EFCAB12: variants seen among roughly 807,000 people sequenced by gnomAD.
The protein encoded by EFCAB12 is EF-hand calcium binding domain 12, also known as EF-hand calcium-binding domain-containing protein 12.
EFCAB12 carries 43 observed loss-of-function variants against 53.6 expected under a neutral mutation model. The observed-to-expected ratio is 0.80, with a 90% confidence interval of 0.63 to 1.03. EFCAB12 has a LOEUF of 1.03. Ranked by LOEUF, EFCAB12 falls within the 50% of genes least tolerant of loss-of-function variation. EFCAB12 has a pLI of 0.00. For missense variants in EFCAB12, 646 were observed against 730.6 expected, an observed-to-expected ratio of 0.88 and a Z score of 1.34; for synonymous variants, 269 against 289.2, an observed-to-expected ratio of 0.93 and a Z score of 0.71.
chr3:129,404,475 AGAG>A (rs2071921399), intron 6 of EFCAB12, 72 bp from the exon 7 acceptor site: 2 of 1,392,232 alleles, frequency 1.4e-6, no homozygotes, highest in Admixed American at 2.5e-5. Context: ...CTCTGGGGTC[AGAG>A]GAGGTGTTTT....
chr3:129,409,260 G>T (rs990764934), intron 5 of EFCAB12, among the ~76,000 whole-genome samples: 7 of 152,186 alleles, frequency 4.6e-5, no homozygotes, highest in Admixed American at 3.9e-4. Flanking sequence ...GATCAGCCTG[G>T]GCAACATGGC....
intron 7 of EFCAB12, chr3:129,403,896 C>G (rs762740942): frequency 6.3e-5 from 11 of 173,294 alleles, no homozygotes; most frequent in Non-Finnish European, 1.1e-4. Context: ...CCCCTGTTCT[C>G]TGCAGGGCCC....
intron 6 of EFCAB12, among the ~76,000 whole-genome samples, chr3:129,406,525 A>G (rs913526489): frequency 1.3e-5 from 2 of 152,044 alleles, no homozygotes; most frequent in African/African-American, 4.8e-5. Context: ...GCGAGAGAGA[A>G]AGGGTCTTGC....
intron 3 of EFCAB12, 64 bp from the exon 4 acceptor site, chr3:129,415,465 A>C: frequency 6.3e-7 from 1 of 1,588,948 alleles, no homozygotes; most frequent in Non-Finnish European, 8.6e-7. Context: ...CTGATGGCCA[A>C]GGCCTTACCA....
rs534948692 is a variant in EFCAB12, at chr3:129,407,050, G to A, written c.1249+1595C>T. Reference sequence around the variant, plus strand: ...CTGGAGATAAAGTCTTGAAGGAGATGATCAAGCTAAAACGAGGTTGTCCAT... The same window carrying A: ...CTGGAGATAAAGTCTTGAAGGAGATAATCAAGCTAAAACGAGGTTGTCCAT... On this transcript the variant is annotated intron_variant, in intron 6 of 8. Coordinates refer to ENST00000505956, the MANE Select transcript of EFCAB12 (RefSeq NM_207307.3). Among the ~76,000 whole-genome samples, 164 of 152,284 alleles carry A rather than the reference G, an allele frequency of 1.1e-3. 1 individual carries two copies. The highest frequency in any genetic ancestry group is 1.9e-3 in the Non-Finnish European group (129 of 68,014).
At chr3:129,428,018 T>C (rs964287524) in intron 1 of EFCAB12, among the ~76,000 whole-genome samples, 33 of 152,232 alleles carry the variant, frequency 2.2e-4, no homozygotes, top group Admixed American at 1.7e-3. Flanking sequence ...CTTTTACTCC[T>C]GGGTGTCATC....
chr3:129,418,188 G>T (rs2072142397), intron 3 of EFCAB12, 66 bp downstream of exon 3: 3 of 1,431,680 alleles, frequency 2.1e-6, no homozygotes, highest in Non-Finnish European at 2.8e-6. Flanking sequence ...GGCGGGGGTG[G>T]CAAAGAGGGA....
In EFCAB12 at chr3:129,419,461, G is replaced by A. The variant is rs75582450; in HGVS notation, c.487-1013C>T. On this transcript the variant is annotated intron_variant, in intron 2 of 8. Transcript: ENST00000505956. ...TTAAGAGGTGATTGGGTCATGAGGTGTCTGCTCTTATGAATCCATTAATTC... is the reference window on the plus strand; with the variant it reads ...TTAAGAGGTGATTGGGTCATGAGGTATCTGCTCTTATGAATCCATTAATTC... 9.9e-3 allele frequency among the ~76,000 whole-genome samples: 1,508 copies of A among 152,304 alleles called. 10 individuals carry two copies. Among genetic ancestry groups the A allele is most frequent in the Non-Finnish European group, 0.015 (1,004 of 68,030 alleles).
chr3:129,411,083 G>T, intron 5 of EFCAB12, 75 bp downstream of exon 5: 1 of 1,475,722 alleles, frequency 6.8e-7, no homozygotes, highest in Non-Finnish European at 9.1e-7. Flanking sequence ...GCCAGCGGGT[G>T]GTGCTGCTGC....
At chr3:129,420,687 G>A (rs2072177219) in intron 2 of EFCAB12, among the ~76,000 whole-genome samples, 1 of 152,130 alleles carries the variant, frequency 6.6e-6, no homozygotes, top group Non-Finnish European at 1.5e-5. Context: ...GATCCCTTTT[G>A]GGGTGATTTT....
At position 129,402,405 on chromosome 3, in the gene EFCAB12, C is replaced by T. The variant is rs1205273798; in HGVS notation, c.1460+118G>A. The T allele has an allele frequency of 3.5e-6, 4 of 1,148,464 alleles. No individual in the cohort carries two copies. In the East Asian group the frequency reaches 1.0e-4, roughly 29 times the overall value. 71.1% of individuals were successfully genotyped at this position (1,148,464 alleles called of 1,614,324 possible). A position where few individuals can be genotyped will look rare whatever the true frequency, so the allele number is the denominator to read the frequency against. ...CTCTCTGTGTTGTGTCACTGCCTCT[C>T]AGGCCAGGGCACCGAGCCCCAGCTG... On this transcript the variant is annotated intron_variant, in intron 8 of 8. Transcript: ENST00000505956.
intron 5 of EFCAB12, 109 bp downstream of exon 5, chr3:129,411,049 G>T: frequency 8.1e-7 from 1 of 1,230,682 alleles, no homozygotes; most frequent in Non-Finnish European, 1.1e-6. Flanking sequence ...TAGAGGCGAA[G>T]ACCCCCCTCC....
In EFCAB12 at chr3:129,415,242, C is replaced by T; in HGVS notation, c.838+3G>A. On this transcript the variant is annotated splice_donor_region_variant and intron_variant, in intron 4 of 8. Transcript: ENST00000505956. ...GAGGCACAGGATGGGGAGGGGTACGCACGCTCCCTTGCAGTGGCCAGGCTG... is the reference window on the plus strand; with the variant it reads ...GAGGCACAGGATGGGGAGGGGTACGTACGCTCCCTTGCAGTGGCCAGGCTG... 6.2e-7 allele frequency: 1 copy of T among 1,600,972 alleles called. No homozygotes were observed. The highest frequency in any genetic ancestry group is 8.5e-7 in the Non-Finnish European group (1 of 1,174,954).
intron 2 of EFCAB12, among the ~76,000 whole-genome samples, chr3:129,420,793 C>G (rs566924136): frequency 8.5e-5 from 13 of 152,322 alleles, no homozygotes; most frequent in Admixed American, 5.2e-4. Context: ...TCACTTCTGA[C>G]AAAGAGAATG....
intron 2 of EFCAB12, among the ~76,000 whole-genome samples, chr3:129,418,743 A>G (rs529936847): frequency 2.0e-5 from 3 of 152,246 alleles, no homozygotes; most frequent in South Asian, 4.1e-4. Flanking sequence ...GCGTAATCCC[A>G]CTGGTCTGGT....
chr3:129,410,455 C>T (rs1017583867), intron 5 of EFCAB12, among the ~76,000 whole-genome samples: 13 of 151,962 alleles, frequency 8.6e-5, no homozygotes, highest in Admixed American at 6.6e-5. Context: ...TAGCTGGGAC[C>T]ACAGGCACAT....
chr3:129,425,054 G>A (rs1028081404), intron 1 of EFCAB12, among the ~76,000 whole-genome samples: 3 of 152,156 alleles, frequency 2.0e-5, no homozygotes, highest in Non-Finnish European at 4.4e-5. Context: ...AGTTCCACAT[G>A]TTGGAAGCCC....
At chr3:129,417,208 C>T (rs987065395) in intron 3 of EFCAB12, among the ~76,000 whole-genome samples, 2 of 151,244 alleles carry the variant, frequency 1.3e-5, no homozygotes, top group African/African-American at 4.9e-5. Flanking sequence ...GCCTATAGTC[C>T]CAACTACTCG....
chr3:129,408,710 T>A lies in EFCAB12; in HGVS notation c.1184A>T (p.Tyr395Phe), dbSNP rs771740262. The A allele has an allele frequency of 6.3e-7, 1 of 1,588,794 alleles. No homozygotes were observed. Among genetic ancestry groups the A allele is most frequent in the Non-Finnish European group, 8.6e-7 (1 of 1,166,582 alleles). ...CTTACAGAGCTTCCAGCATTGCAGG[T>A]AGACCAGAAAGTTGTGCCTGCGGGC... ...DSARRHNFLV[Y>F]LQCWKLCKSY... Residue 395 changes from tyrosine (Y) to phenylalanine (F), a missense_variant, in exon 6 of 9, where the codon TAC (tyrosine) becomes TTC (phenylalanine). Physicochemically the swap from Tyr to Phe is conservative, Grantham distance 22 (BLOSUM62 3). Coordinates refer to ENST00000505956, the MANE Select transcript of EFCAB12 (RefSeq NM_207307.3).
Sources: gnomAD v4.1 joint callset for allele counts (sites outside exome capture counted in the v4.1 genomes callset) on GRCh38, gnomAD v4.1.1 for gene constraint, MANE v1.5 for transcripts, NCBI Gene and HGNC (gene_info 2026-07-23, HGNC 2026-07-21) for gene names.